Variants in HDAC4 observed in about 807,000 individuals in gnomAD.
HDAC4 encodes histone deacetylase 4, also known as histone deacetylase A.
In HDAC4, 16 loss-of-function variants were observed where a neutral mutation model predicts 135.1. That is an observed-to-expected ratio of 0.12 (90% CI 0.08 to 0.18). HDAC4 has a LOEUF of 0.18. Among genes scored for constraint, HDAC4 ranks in the 10% least tolerant of loss-of-function variants. The pLI is 1.00. For missense variants in HDAC4, 1,143 were observed against 1,511.8 expected (o/e 0.76, Z 4.05); for synonymous variants, 685 against 653.4 (o/e 1.05, Z -0.74).
chr2:239,219,752 A>G (rs557223430), intron 3 of HDAC4, among the ~76,000 whole-genome samples: 20 of 152,406 alleles, frequency 1.3e-4, no homozygotes, highest in Non-Finnish European at 2.5e-4. Context: ...TCGGTATCAC[A>G]AAGATTGAAT....
rs1379862430 is a variant in HDAC4 at position 239,307,063 on chromosome 2, G to A, written c.22+45615C>T. ...CCCTCCGGCCTTCATTCAGCACTCT[G>A]GTGAGCCCAGAGGCCCGAGTCGTCC... On this transcript the variant is annotated intron_variant, in intron 2 of 26. Coordinates refer to ENST00000543185, the MANE Select transcript of HDAC4 (RefSeq NM_001378414.1). This position sits in a 1 kb window ranked among gnomAD's most constrained non-coding sequence, Gnocchi z 4.8. 6.6e-6 allele frequency among the ~76,000 whole-genome samples: 1 copy of A among 152,136 alleles called. No individual in the cohort carries two copies. The highest frequency in any genetic ancestry group is 1.5e-5 in the Non-Finnish European group (1 of 68,010).
At chr2:239,069,351 G>A (rs1397264100) in intron 22 of HDAC4, among the ~76,000 whole-genome samples, 1 of 97,364 alleles carries the variant, frequency 1.0e-5, no homozygotes, top group Non-Finnish European at 2.2e-5. Flanking sequence ...CTTGCTGGGT[G>A]AGAGGGAGTC....
chr2:239,200,114 T>C (rs1260488539), intron 3 of HDAC4, among the ~76,000 whole-genome samples: 2 of 152,202 alleles, frequency 1.3e-5, no homozygotes, highest in Non-Finnish European at 2.9e-5. Context: ...GTCTGGAGAC[T>C]GGGGTAAGCG....
chr2:239,337,224 G>A (rs957596839), intron 2 of HDAC4, among the ~76,000 whole-genome samples: 15 of 152,314 alleles, frequency 9.8e-5, no homozygotes, highest in African/African-American at 3.6e-4. Flanking sequence ...AGGGAGTGGA[G>A]GAAATGGCAA....
intron 5 of HDAC4, among the ~76,000 whole-genome samples, chr2:239,164,296 A>G (rs1226929029): frequency 6.6e-6 from 1 of 152,252 alleles, no homozygotes; most frequent in Non-Finnish European, 1.5e-5. Flanking sequence ...AGAATCTAAG[A>G]GAGAAGGCTT....
At chr2:239,335,836 A>G (rs1691901087) in intron 2 of HDAC4, among the ~76,000 whole-genome samples, 1 of 152,236 alleles carries the variant, frequency 6.6e-6, no homozygotes, top group Non-Finnish European at 1.5e-5. Flanking sequence ...TATAGGTCAG[A>G]GTGTAAATTG....
chr2:239,116,595 A>C (rs1420567279), intron 12 of HDAC4, among the ~76,000 whole-genome samples: 1 of 152,176 alleles, frequency 6.6e-6, no homozygotes, highest in African/African-American at 2.4e-5. Context: ...AACGCTTTGC[A>C]ATCTTCTTCA....
chr2:239,115,507 T>A lies in HDAC4; in HGVS notation c.1534-197A>T, dbSNP rs2039048375. On this transcript the variant is annotated intron_variant, in intron 12 of 26. Transcript: ENST00000543185. This position sits in a 1 kb window ranked among gnomAD's most constrained non-coding sequence, Gnocchi z 6.3. Reference sequence around the variant, plus strand: ...GGTGCCTGAGTGCCTAAGAAAATAATGCCCAGTAGGACCCCAGCCCAGGGT... The same window carrying A: ...GGTGCCTGAGTGCCTAAGAAAATAAAGCCCAGTAGGACCCCAGCCCAGGGT... Among the ~76,000 whole-genome samples the A allele has an allele frequency of 6.6e-6, 1 of 151,982 alleles. No individual in the cohort carries two copies. Among genetic ancestry groups the A allele is most frequent in the Admixed American group, 6.6e-5 (1 of 15,264 alleles).
chr2:239,231,097 C>A, intron 3 of HDAC4, among the ~76,000 whole-genome samples: 2 of 152,256 alleles, frequency 1.3e-5, no homozygotes, highest in South Asian at 4.1e-4. Context: ...CTAGTTAATC[C>A]CCTTTAAGGT....
At chr2:239,254,159 G>C (rs1309226163) in intron 2 of HDAC4, among the ~76,000 whole-genome samples, 1 of 152,154 alleles carries the variant, frequency 6.6e-6, no homozygotes, top group East Asian at 1.9e-4. Flanking sequence ...GGGAAACCCT[G>C]TAGCCCCAGG....
chr2:239,117,102 C>T (rs1001945150), intron 12 of HDAC4, among the ~76,000 whole-genome samples: 2 of 152,172 alleles, frequency 1.3e-5, no homozygotes, highest in Admixed American at 6.5e-5. Flanking sequence ...GGGGTGTCCG[C>T]GTAGTGGGGC....
chr2:239,235,843 C>T (rs931791331), intron 3 of HDAC4, among the ~76,000 whole-genome samples: 12 of 152,144 alleles, frequency 7.9e-5, no homozygotes, highest in African/African-American at 2.9e-4. Flanking sequence ...AGTTCAAGAC[C>T]AGCCTGGCCA....
intron 1 of HDAC4, among the ~76,000 whole-genome samples, chr2:239,358,086 C>T (rs1055038033): frequency 3.3e-5 from 5 of 152,178 alleles, no homozygotes; most frequent in East Asian, 1.9e-4. Context: ...CACACGTCTT[C>T]GTGGGCCTGA....
At chr2:239,070,683 C>T (rs920367105) in intron 22 of HDAC4, among the ~76,000 whole-genome samples, 2 of 152,226 alleles carry the variant, frequency 1.3e-5, no homozygotes, top group African/African-American at 4.8e-5. Context: ...TGGTGTCTTC[C>T]TGCAATGACG....
chr2:239,361,666 A>G (rs1056469551), intron 1 of HDAC4, among the ~76,000 whole-genome samples: 9 of 152,232 alleles, frequency 5.9e-5, no homozygotes, highest in African/African-American at 2.2e-4. Context: ...AGTCTTTTCT[A>G]TTGGATATGG....
At chr2:239,326,070 A>T (rs1027987154) in intron 2 of HDAC4, among the ~76,000 whole-genome samples, 1 of 152,236 alleles carries the variant, frequency 6.6e-6, no homozygotes, top group Non-Finnish European at 1.5e-5. Flanking sequence ...GTGTGTACAC[A>T]TATGTTCACA....
At chr2:239,158,035 T>C (rs1466477260) in intron 6 of HDAC4, among the ~76,000 whole-genome samples, 1 of 152,332 alleles carries the variant, frequency 6.6e-6, no homozygotes, top group East Asian at 1.9e-4. Flanking sequence ...AATTCCACCA[T>C]GCAGTCAGGC....
At chr2:239,075,576 TAC>T (rs1416961751) in intron 22 of HDAC4, among the ~76,000 whole-genome samples, 1 of 152,204 alleles carries the variant, frequency 6.6e-6, no homozygotes, top group African/African-American at 2.4e-5. Context: ...GTGAGGCACG[TAC>T]AGAGGGAAAC....
intron 15 of HDAC4, among the ~76,000 whole-genome samples, chr2:239,105,465 C>G (rs935763355): frequency 6.6e-6 from 1 of 152,232 alleles, no homozygotes; most frequent in African/African-American, 2.4e-5. Flanking sequence ...AAGGCCTGCT[C>G]TGGAGTGAGG....
Sources: allele counts gnomAD v4.1 joint callset (sites outside exome capture counted in the v4.1 genomes callset), GRCh38; gene constraint gnomAD v4.1.1; non-coding constraint Gnocchi (gnomAD v3.1); transcripts MANE v1.5; gene names NCBI Gene and HGNC (gene_info 2026-07-23, HGNC 2026-07-21).